Variants in ZNF609 observed in about 807,000 individuals in gnomAD.
The protein encoded by ZNF609 is zinc finger protein 609.
ZNF609 carries 11 observed loss-of-function variants against 109.5 expected under a neutral mutation model. The observed-to-expected ratio is 0.10, with a 90% CI of 0.06 to 0.17. ZNF609 has a LOEUF of 0.17. Ranked by LOEUF, ZNF609 falls within the 10% of genes least tolerant of loss-of-function variation. The probability of loss-of-function intolerance (pLI) is 1.00; values close to 1 mark genes in which losing one functional copy is unlikely to be tolerated. For missense variants in ZNF609, 1,559 were observed against 1,772.4 expected (o/e 0.88, Z 2.16); for synonymous variants, 646 against 662.0 (o/e 0.98, Z 0.37).
chr15:64,601,051 T>C (rs1395035312), intron 2 of ZNF609, among the ~76,000 whole-genome samples: 1 of 152,212 alleles, frequency 6.6e-6, no homozygotes, highest in East Asian at 1.9e-4. Flanking sequence ...CTCTGTGTTA[T>C]GCCTCTTCCT....
chr15:64,493,772 C>G lies in ZNF609; in HGVS notation c.-127-5521C>G, dbSNP rs571410712. Among the ~76,000 whole-genome samples the G allele has an allele frequency of 1.1e-4, 16 of 152,292 alleles. No individual in the cohort carries two copies. The South Asian group carries it at 3.3e-3, about 32-fold the overall frequency. The stretch of plus-strand genomic sequence containing the variant: ...TGTAAGATATTGGTTCTCCTGATTC[C>G]GCACTTTCTCTGCCATGAAAGCAAG... On this transcript the variant is annotated intron_variant, in intron 1 of 9. Coordinates refer to ENST00000326648, the MANE Select transcript of ZNF609 (RefSeq NM_015042.2).
chr15:64,557,778 G>T (rs186413160), intron 2 of ZNF609, among the ~76,000 whole-genome samples: 1 of 152,186 alleles, frequency 6.6e-6, no homozygotes, highest in African/African-American at 2.4e-5. Flanking sequence ...CCCAGTGCAA[G>T]CTGCGCCTCC....
chr15:64,482,311 A>G (rs1893265723), intron 1 of ZNF609, among the ~76,000 whole-genome samples: 1 of 152,132 alleles, frequency 6.6e-6, no homozygotes, highest in Admixed American at 6.6e-5. Flanking sequence ...GAAAGTACAG[A>G]AAAATATCTA....
chr15:64,663,971 G>A (rs911018912), intron 3 of ZNF609, among the ~76,000 whole-genome samples: 4 of 152,188 alleles, frequency 2.6e-5, no homozygotes, highest in Admixed American at 2.0e-4. Flanking sequence ...GCTCATGCCT[G>A]TAATCCCAGC....
intron 4 of ZNF609, 105 bp downstream of exon 4, chr15:64,670,538 A>C: frequency 1.1e-6 from 1 of 945,256 alleles, no homozygotes; most frequent in Non-Finnish European, 1.7e-6. Context: ...TTTAAAGGAC[A>C]TGATGGTATA....
At position 64,612,741 on chromosome 15, in the gene ZNF609, G is replaced by A. The variant is rs960613559; in HGVS notation, c.748-10086G>A. On this transcript the variant is annotated intron_variant, in intron 2 of 9. Transcript: ENST00000326648. Reference sequence around the variant, plus strand: ...ACTGTTTGAAAAGGACCTGCCGGGCGTGGTGGCTCATGCCTGTAATCCCAG... The same window carrying A: ...ACTGTTTGAAAAGGACCTGCCGGGCATGGTGGCTCATGCCTGTAATCCCAG... Among the ~76,000 whole-genome samples the A allele has an allele frequency of 4.6e-5, 7 of 151,838 alleles. No homozygotes were observed. The East Asian group carries it at 7.8e-4, about 17-fold the overall frequency.
intron 2 of ZNF609, among the ~76,000 whole-genome samples, chr15:64,570,661 G>A (rs996433994): frequency 7.9e-5 from 12 of 152,118 alleles, no homozygotes; most frequent in African/African-American, 2.9e-4. Context: ...CTAGAAACTC[G>A]AGATACTAAT....
chr15:64,554,039 T>A (rs1894533665), intron 2 of ZNF609, among the ~76,000 whole-genome samples: 1 of 152,224 alleles, frequency 6.6e-6, no homozygotes, highest in Admixed American at 6.5e-5. Flanking sequence ...AAAGTTTAAC[T>A]TCCTTTCCAT....
chr15:64,602,005 C>CA (rs764904669), intron 2 of ZNF609, among the ~76,000 whole-genome samples: 33 of 152,090 alleles, frequency 2.2e-4, no homozygotes, highest in Non-Finnish European at 4.0e-4. Context: ...TATTTTCTAT[C>CA]AAAAAAGCTA....
At position 64,675,577 on chromosome 15, in the gene ZNF609, C is replaced by G. The variant is rs1243200828; in HGVS notation, c.2723C>G (p.Pro908Arg). ...TCTCCAAGTTATGCACAGTCCAGCC[C>G]TGGGGCTCTGAACCCCAGCAGCCAG... ...YYSPSYAQSS[P>R]GALNPSSQAG... Residue 908 changes from proline (P) to arginine (R), a missense_variant, in exon 5 of 10, where the codon CCT becomes CGT. This residue lies in a region of ZNF609 where 1,204 missense variants were observed against 1,314.1 expected (regional missense o/e 0.92). Transcript: ENST00000326648. The G allele has an allele frequency of 1.2e-6, 2 of 1,614,216 alleles. No individual in the cohort carries two copies. Among genetic ancestry groups the G allele is most frequent in the South Asian group, 1.1e-5 (1 of 91,086 alleles).
In ZNF609 at chr15:64,682,705, G is replaced by GC. The variant is rs1487822317; in HGVS notation, c.*1023dup. The GC allele has an allele frequency of 2.6e-5, 4 of 152,648 alleles. No homozygotes were observed. In the East Asian group the frequency reaches 7.7e-4, roughly 29 times the overall value. 9.5% of individuals were successfully genotyped at this position (152,648 alleles called of 1,614,324 possible). A position where few individuals can be genotyped will look rare whatever the true frequency, so the allele number is the denominator to read the frequency against. The stretch of plus-strand genomic sequence containing the variant: ...ACCTTAGGGCAAGGCCCAGAAGGCA[G>GC]CCCCTGGGAGCACCCAGCAGTTCTT... On this transcript the variant is annotated 3_prime_UTR_variant, in exon 10 of 10. Coordinates refer to ENST00000326648, the MANE Select transcript of ZNF609 (RefSeq NM_015042.2).
chr15:64,529,915 A>G (rs907108626), intron 2 of ZNF609, among the ~76,000 whole-genome samples: 1 of 151,244 alleles, frequency 6.6e-6, no homozygotes. Flanking sequence ...TTTTTAGTAG[A>G]GACGGGGTTT....
At chr15:64,574,219 A>G (rs1249117143) in intron 2 of ZNF609, among the ~76,000 whole-genome samples, 1 of 118,840 alleles carries the variant, frequency 8.4e-6, no homozygotes, top group African/African-American at 3.4e-5. Flanking sequence ...CCATTTGAGA[A>G]TTTACTTTCT....
chr15:64,553,228 T>C (rs768886994), intron 2 of ZNF609, among the ~76,000 whole-genome samples: 8 of 151,770 alleles, frequency 5.3e-5, no homozygotes, highest in Non-Finnish European at 1.0e-4. Flanking sequence ...CTGTTATAGA[T>C]TATTTGTCAT....
chr15:64,621,501 C>T (rs1895876658), intron 2 of ZNF609, among the ~76,000 whole-genome samples: 1 of 152,110 alleles, frequency 6.6e-6, no homozygotes, highest in East Asian at 1.9e-4. Context: ...AGGCATATGC[C>T]ACCACACACA....
At chr15:64,632,479 AT>A (rs1567035000) in intron 3 of ZNF609, among the ~76,000 whole-genome samples, 1 of 151,640 alleles carries the variant, frequency 6.6e-6, no homozygotes, top group African/African-American at 2.4e-5. Flanking sequence ...TTTTTATTTT[AT>A]TTTTTATTTT....
At chr15:64,676,970 G>A (rs1896818762) in intron 5 of ZNF609, among the ~76,000 whole-genome samples, 1 of 151,984 alleles carries the variant, frequency 6.6e-6, no homozygotes, top group African/African-American at 2.4e-5. Flanking sequence ...AGCCAGGATG[G>A]TCTTGATCTC....
At chr15:64,577,665 A>G (rs936211622) in intron 2 of ZNF609, among the ~76,000 whole-genome samples, 4 of 130,254 alleles carry the variant, frequency 3.1e-5, no homozygotes, top group African/African-American at 5.8e-5. Context: ...GTATATATAC[A>G]CATATAAATA....
intron 1 of ZNF609, among the ~76,000 whole-genome samples, chr15:64,472,962 A>C (rs1893111600): frequency 6.6e-6 from 1 of 152,208 alleles, no homozygotes; most frequent in Admixed American, 6.5e-5. Flanking sequence ...TCTAGAGCAG[A>C]GTTCTAAAGA....
Sources: allele counts gnomAD v4.1 joint callset (sites outside exome capture counted in the v4.1 genomes callset), GRCh38; gene constraint gnomAD v4.1.1; regional missense constraint gnomAD v4.1.1; transcripts MANE v1.5; gene names NCBI Gene and HGNC (gene_info 2026-07-23, HGNC 2026-07-21).